The following NTRK3 variants were observed in gnomAD, a reference collection of about 807,000 sequenced individuals.
NTRK3 encodes neurotrophic receptor tyrosine kinase 3, also known as NT-3 growth factor receptor.
In NTRK3, 24 loss-of-function variants were observed where a neutral mutation model predicts 91.7. That is an observed-to-expected ratio of 0.26 (90% CI 0.19 to 0.37). The LOEUF (loss-of-function observed/expected upper bound fraction) is 0.37, where lower values mean the gene tolerates loss of function less well. Among genes scored for constraint, NTRK3 ranks in the 10% least tolerant of loss-of-function variants. The pLI, the probability that NTRK3 is intolerant of heterozygous loss-of-function variation, is 1.00. For synonymous variants in NTRK3, 483 were observed against 404.0 expected, an observed-to-expected ratio of 1.20 and a Z score of -2.34; for missense variants, 880 against 1,068.9, an observed-to-expected ratio of 0.82 and a Z score of 2.46.
At chr15:88,062,759 T>C (rs1283954477) in intron 13 of NTRK3, among the ~76,000 whole-genome samples, 1 of 152,280 alleles carries the variant, frequency 6.6e-6, no homozygotes, top group East Asian at 1.9e-4. Flanking sequence ...CTATCTTTAT[T>C]ATCATTTCTG....
intron 14 of NTRK3, among the ~76,000 whole-genome samples, chr15:87,994,822 C>T (rs1036376830): frequency 6.6e-6 from 1 of 152,164 alleles, no homozygotes; most frequent in African/African-American, 2.4e-5. Context: ...AAAAATGGGA[C>T]ATCACCAATC....
intron 13 of NTRK3, chr15:88,098,529 C>T: frequency 4.5e-6 from 1 of 223,250 alleles, no homozygotes; most frequent in Admixed American, 5.7e-5. Context: ...AAATACTCAC[C>T]AGGAGACGGT....
At chr15:87,976,899 T>C (rs2073768394) in intron 14 of NTRK3, among the ~76,000 whole-genome samples, 1 of 152,200 alleles carries the variant, frequency 6.6e-6, no homozygotes, top group African/African-American at 2.4e-5. Flanking sequence ...GCTTTGCTGG[T>C]GCACCAAAGA....
At chr15:88,053,810 G>C (rs182514758) in intron 13 of NTRK3, among the ~76,000 whole-genome samples, 8 of 152,304 alleles carry the variant, frequency 5.3e-5, no homozygotes, top group Admixed American at 5.2e-4. Flanking sequence ...TCAGACATGG[G>C]TACAAATACC....
At chr15:87,908,274 T>C (rs1338111823) in intron 17 of NTRK3, among the ~76,000 whole-genome samples, 2 of 152,134 alleles carry the variant, frequency 1.3e-5, no homozygotes, top group Non-Finnish European at 1.5e-5. Context: ...CCCCCCACCA[T>C]GCTGTCTCCC....
At chr15:88,176,353 T>C (rs1329260034) in intron 5 of NTRK3, among the ~76,000 whole-genome samples, 1 of 152,106 alleles carries the variant, frequency 6.6e-6, no homozygotes, top group African/African-American at 2.4e-5. Context: ...GTCAGAATGG[T>C]CTCGATCTCT....
At chr15:87,874,409 C>T (rs2064897598) in exon 19 of NTRK3, 2 of 230,476 alleles carry the variant, frequency 8.7e-6, no homozygotes, top group Non-Finnish European at 1.7e-5. Context: ...CGGTCTCCTT[C>T]AGTGCTTCTT....
chr15:88,213,908 C>T (rs1274823075), intron 3 of NTRK3, among the ~76,000 whole-genome samples: 1 of 151,776 alleles, frequency 6.6e-6, no homozygotes, highest in African/African-American at 2.4e-5. Flanking sequence ...TGTGAAACCC[C>T]GTCTCTACTA....
chr15:88,087,616 C>T (rs977533080), intron 13 of NTRK3, among the ~76,000 whole-genome samples: 6 of 152,186 alleles, frequency 3.9e-5, no homozygotes, highest in African/African-American at 1.4e-4. Flanking sequence ...CTGAAGGAGG[C>T]ACCATACATG....
intron 3 of NTRK3, among the ~76,000 whole-genome samples, chr15:88,247,904 G>C (rs890393297): frequency 1.3e-5 from 2 of 152,170 alleles, no homozygotes; most frequent in African/African-American, 4.8e-5. Context: ...ACCAGGGAAG[G>C]ACGCAGAAAG....
chr15:88,202,193 T>C (rs1421956478), intron 3 of NTRK3, among the ~76,000 whole-genome samples: 1 of 152,194 alleles, frequency 6.6e-6, no homozygotes, highest in Non-Finnish European at 1.5e-5. Flanking sequence ...GGTCTTCTCC[T>C]AGCTAATCCA....
chr15:87,996,171 G>A (rs1222872688), intron 14 of NTRK3, among the ~76,000 whole-genome samples: 1 of 152,278 alleles, frequency 6.6e-6, no homozygotes, highest in East Asian at 1.9e-4. Flanking sequence ...TTGAACCCGG[G>A]AGGCGGAGGT....
chr15:87,998,415 A>G (rs958556662), intron 14 of NTRK3, among the ~76,000 whole-genome samples: 2 of 152,256 alleles, frequency 1.3e-5, no homozygotes, highest in Non-Finnish European at 1.5e-5. Context: ...CCACATGGCC[A>G]AGGACATGGT....
intron 17 of NTRK3, among the ~76,000 whole-genome samples, chr15:87,910,350 A>G (rs928384462): frequency 1.3e-5 from 2 of 152,176 alleles, no homozygotes; most frequent in East Asian, 3.9e-4. Context: ...CTATAAGGAA[A>G]GACATAGCAG....
At chr15:88,032,875 A>C in exon 14 of NTRK3, 1 of 1,613,742 alleles carries the variant, frequency 6.2e-7, no homozygotes, top group Non-Finnish European at 8.5e-7. Context: ...GGCTTGTGGC[A>C]GTTGTGTCCC....
At chr15:87,993,830 C>G (rs2075470271) in intron 14 of NTRK3, among the ~76,000 whole-genome samples, 1 of 152,114 alleles carries the variant, frequency 6.6e-6, no homozygotes, top group African/African-American at 2.4e-5. Context: ...GAGGCAATAT[C>G]AAGATGAGTA....
chr15:87,976,192 G>A (rs948679253), intron 14 of NTRK3, among the ~76,000 whole-genome samples: 1 of 152,150 alleles, frequency 6.6e-6, no homozygotes, highest in African/African-American at 2.4e-5. Context: ...AGGCATCCCT[G>A]TTCCAACTCT....
chr15:88,020,972 C>T (rs2077552562), intron 14 of NTRK3, among the ~76,000 whole-genome samples: 1 of 152,206 alleles, frequency 6.6e-6, no homozygotes, highest in Non-Finnish European at 1.5e-5. Context: ...AAGCATTTCT[C>T]CTTGGAGCAG....
chr15:88,155,657 T>C (rs2043819819), intron 5 of NTRK3, among the ~76,000 whole-genome samples: 1 of 152,162 alleles, frequency 6.6e-6, no homozygotes, highest in Non-Finnish European at 1.5e-5. Context: ...AGAACAGTAC[T>C]CTCCAGTATA....
Sources: gnomAD v4.1 joint callset for allele counts (sites outside exome capture counted in the v4.1 genomes callset) on GRCh38, gnomAD v4.1.1 for gene constraint, MANE v1.5 for transcripts, NCBI Gene and HGNC (gene_info 2026-07-23, HGNC 2026-07-21) for gene names.